Variants in OSBPL1A observed in about 807,000 individuals in gnomAD.
The protein encoded by OSBPL1A is oxysterol binding protein like 1A, also known as oxysterol-binding protein-related protein 1.
In OSBPL1A, 80 loss-of-function variants were observed where a neutral mutation model predicts 137.1. That is an observed-to-expected ratio of 0.58 (90% confidence interval 0.49 to 0.70). The LOEUF (loss-of-function observed/expected upper bound fraction) is 0.70. OSBPL1A is among the 30% of genes least tolerant of loss of function. The pLI, the probability that OSBPL1A is intolerant of heterozygous loss-of-function variation, is 0.00. For missense variants in OSBPL1A, 970 were observed against 1,129.4 expected, an observed-to-expected ratio of 0.86 and a Z score of 2.02; for synonymous variants, 365 against 389.7, an observed-to-expected ratio of 0.94 and a Z score of 0.75.
At chr18:24,316,862 T>A (rs949542925) in intron 11 of OSBPL1A, among the ~76,000 whole-genome samples, 1 of 152,236 alleles carries the variant, frequency 6.6e-6, no homozygotes, top group Admixed American at 6.5e-5. Flanking sequence ...ACTAGGATAT[T>A]TCATCATCAA....
chr18:24,386,451 G>A (rs8085403), intron 1 of OSBPL1A, among the ~76,000 whole-genome samples: 22,278 of 152,124 alleles, frequency 0.15, 2,327 homozygotes, highest in East Asian at 0.44. Context: ...ATCAGAACTA[G>A]TTTAGTTGTG....
chr18:24,223,166 C>T (rs996315236), intron 17 of OSBPL1A, among the ~76,000 whole-genome samples: 1 of 151,948 alleles, frequency 6.6e-6, no homozygotes, highest in African/African-American at 2.4e-5. Context: ...AATATAAAAA[C>T]TATTATAATC....
In OSBPL1A at chr18:24,366,668, TCTC is replaced by T. The variant is rs1394938657; in HGVS notation, c.282+221_282+223del. Reference sequence around the variant, plus strand: ...GAGTACACAAGCAGAAACGGAATGATCTCCTCACAGGGATGCTACAGAGTGGGG... The same window carrying T: ...GAGTACACAAGCAGAAACGGAATGATCTCACAGGGATGCTACAGAGTGGGG... On this transcript the variant is annotated intron_variant, in intron 4 of 27. Transcript: ENST00000319481. 12 of 387,788 alleles carry T rather than the reference TCTC, an allele frequency of 3.1e-5. No homozygotes were observed. In the Middle Eastern group the frequency reaches 1.9e-3, roughly 62 times the overall value. 24.0% of individuals were successfully genotyped at this position (387,788 alleles called of 1,614,324 possible).
intron 4 of OSBPL1A, among the ~76,000 whole-genome samples, chr18:24,358,848 C>G (rs1715762129): frequency 6.6e-6 from 1 of 152,302 alleles, no homozygotes. Context: ...GGGGCTCAAG[C>G]GATCCTCCTG....
chr18:24,349,573 C>T (rs1376437280), intron 4 of OSBPL1A, among the ~76,000 whole-genome samples: 1 of 152,074 alleles, frequency 6.6e-6, no homozygotes. Context: ...AAAAATATCC[C>T]AGGCAGACAC....
intron 16 of OSBPL1A, among the ~76,000 whole-genome samples, chr18:24,229,132 G>A (rs937194881): frequency 6.6e-6 from 1 of 152,174 alleles, no homozygotes; most frequent in South Asian, 2.1e-4. Flanking sequence ...AACCCAGGAG[G>A]TGGAGGTTGC....
intron 17 of OSBPL1A, among the ~76,000 whole-genome samples, chr18:24,218,110 C>T (rs148592428): frequency 3.2e-4 from 49 of 152,256 alleles, no homozygotes; most frequent in African/African-American, 1.1e-3. Context: ...GATCCTATTA[C>T]TAAATACCAT....
intron 14 of OSBPL1A, among the ~76,000 whole-genome samples, chr18:24,296,147 G>A (rs550034411): frequency 1.3e-5 from 2 of 152,150 alleles, no homozygotes; most frequent in African/African-American, 2.4e-5. Context: ...CATGAGATAT[G>A]TTTCCATTTA....
At chr18:24,238,186 C>T (rs2088560307) in intron 16 of OSBPL1A, among the ~76,000 whole-genome samples, 1 of 152,196 alleles carries the variant, frequency 6.6e-6, no homozygotes, top group South Asian at 2.1e-4. Flanking sequence ...TCCTCTCTTT[C>T]CTGTCCTGTT....
intron 14 of OSBPL1A, among the ~76,000 whole-genome samples, chr18:24,288,175 T>C (rs532159053): frequency 2.7e-4 from 41 of 152,246 alleles, no homozygotes; most frequent in African/African-American, 9.1e-4. Flanking sequence ...TTCTGGAAAC[T>C]ACATGTAAAA....
intron 14 of OSBPL1A, among the ~76,000 whole-genome samples, chr18:24,284,627 G>A (rs1375111787): frequency 2.6e-5 from 1 of 38,306 alleles, no homozygotes; most frequent in Non-Finnish European, 9.3e-5. Flanking sequence ...TTATCCTAGT[G>A]TAAAAAAAAA....
intron 1 of OSBPL1A, among the ~76,000 whole-genome samples, chr18:24,394,961 G>A (rs1907636291): frequency 6.6e-6 from 1 of 152,172 alleles, no homozygotes; most frequent in Non-Finnish European, 1.5e-5. Context: ...AATACTGACA[G>A]TACCAACACA....
intron 14 of OSBPL1A, among the ~76,000 whole-genome samples, chr18:24,303,012 TGAGA>T (rs898149555): frequency 1.3e-5 from 2 of 151,974 alleles, no homozygotes; most frequent in African/African-American, 2.4e-5. Flanking sequence ...TCTGTGTGTG[TGAGA>T]GAGAGACAGA....
chr18:24,189,673 T>A (rs921375521), intron 18 of OSBPL1A, among the ~76,000 whole-genome samples: 16 of 152,230 alleles, frequency 1.1e-4, no homozygotes, highest in Non-Finnish European at 1.5e-5. Flanking sequence ...CTCCACACGA[T>A]GCCTAGCATC....
At chr18:24,386,122 GGA>G (rs1462816803) in intron 1 of OSBPL1A, among the ~76,000 whole-genome samples, 1 of 152,100 alleles carries the variant, frequency 6.6e-6, no homozygotes, top group Middle Eastern at 3.2e-3. Context: ...TGCCTGAGGA[GGA>G]GAGAGGACTC....
chr18:24,309,605 C>A (rs1599647040), intron 13 of OSBPL1A, among the ~76,000 whole-genome samples: 1 of 152,176 alleles, frequency 6.6e-6, no homozygotes, highest in African/African-American at 2.4e-5. Flanking sequence ...CATAAATTGG[C>A]CCCTGAATTT....
chr18:24,330,598 C>A (rs1216802406), intron 7 of OSBPL1A, among the ~76,000 whole-genome samples: 1 of 151,658 alleles, frequency 6.6e-6, no homozygotes, highest in Non-Finnish European at 1.5e-5. Flanking sequence ...GATTCTCCTG[C>A]CTCAGCCTCC....
intron 4 of OSBPL1A, among the ~76,000 whole-genome samples, chr18:24,345,967 T>A (rs1238810404): frequency 6.6e-6 from 1 of 152,242 alleles, no homozygotes; most frequent in Non-Finnish European, 1.5e-5. Flanking sequence ...TGAATAAAGA[T>A]GTTTTACTGA....
chr18:24,241,037 A>G (rs1010249388), intron 15 of OSBPL1A, among the ~76,000 whole-genome samples: 1 of 152,238 alleles, frequency 6.6e-6, no homozygotes, highest in African/African-American at 2.4e-5. Flanking sequence ...AGGATTCCCT[A>G]TTTAATAAAT....
Sources: gnomAD v4.1 joint callset for allele counts (sites outside exome capture counted in the v4.1 genomes callset) on GRCh38, gnomAD v4.1.1 for gene constraint, MANE v1.5 for transcripts, NCBI Gene and HGNC (gene_info 2026-07-23, HGNC 2026-07-21) for gene names.